The following TRPM1 variants were observed in gnomAD, a reference collection of about 807,000 sequenced individuals.
TRPM1 encodes the protein transient receptor potential cation channel subfamily M member 1.
TRPM1 carries 113 observed loss-of-function variants against 149.4 expected under a neutral mutation model. That is an observed-to-expected ratio of 0.76 (90% CI 0.65 to 0.88). The LOEUF (loss-of-function observed/expected upper bound fraction) is 0.88. Ranked by LOEUF, TRPM1 falls within the 40% of genes least tolerant of loss-of-function variation. TRPM1 has a pLI of 0.00. For synonymous variants in TRPM1, 741 were observed against 759.5 expected, an observed-to-expected ratio of 0.98 and a Z score of 0.40; for missense variants, 1,976 against 2,038.7, an observed-to-expected ratio of 0.97 and a Z score of 0.59.
Position 31,075,454 on chromosome 15 carries a change from T to C in TRPM1, c.83+1451A>G, listed in dbSNP as rs1281334579. Reference sequence around the variant, plus strand: ...TATCTCTAGTTACATTTTCTTGCTTTAAAGTATGTTTTGTCTGAATCCATT... The same window carrying C: ...TATCTCTAGTTACATTTTCTTGCTTCAAAGTATGTTTTGTCTGAATCCATT... On this transcript the variant is annotated intron_variant, in intron 3 of 27. Transcript: ENST00000256552. 2.0e-5 allele frequency among the ~76,000 whole-genome samples: 3 copies of C among 152,236 alleles called. No homozygotes were observed. The East Asian group carries it at 5.8e-4, about 29-fold the overall frequency.
At chr15:31,070,291 A>G (rs34491369) in intron 3 of TRPM1, 65 bp from the exon 4 acceptor site, 178,468 of 1,515,550 alleles carry the variant, frequency 0.12, 12,212 homozygotes, top group African/African-American at 0.25. Flanking sequence ...CATTAGCAAA[A>G]ATGAATTAAC....
Position 31,035,661 on chromosome 15 carries a change from C to T in TRPM1, c.2585G>A (p.Gly862Asp). 1.9e-6 allele frequency: 3 copies of T among 1,614,154 alleles called. No homozygotes were observed. The highest frequency in any genetic ancestry group is 8.5e-7 in the Non-Finnish European group (1 of 1,180,028). ...GACGTAGTTAAACAGCAGCAGGTAG[C>T]CCAAGTATGATATCTGAAAGAAAGA... ...KFWFYTISYLGYLLLFNYVIL... is the reference protein window; with the variant it reads ...KFWFYTISYLDYLLLFNYVIL... The change falls in exon 21 of 28, where the codon GGC becomes GAC. Residue 862 changes from glycine (G) to aspartate (D), a missense_variant. Coordinates refer to ENST00000256552, the MANE Select transcript of TRPM1 (RefSeq NM_001252024.2).
At chr15:31,007,542 C>T (rs2032033933) in intron 27 of TRPM1, among the ~76,000 whole-genome samples, 1 of 152,080 alleles carries the variant, frequency 6.6e-6, no homozygotes, top group Non-Finnish European at 1.5e-5. Flanking sequence ...TGGCTCATGC[C>T]TACAATCCCA....
At chr15:31,141,222 T>G (rs1010232849) in intron 1 of TRPM1, among the ~76,000 whole-genome samples, 1 of 152,176 alleles carries the variant, frequency 6.6e-6, no homozygotes, top group Non-Finnish European at 1.5e-5. Flanking sequence ...AATCACATAT[T>G]TTTATAAATT....
chr15:31,061,174 C>G (rs989556676), intron 10 of TRPM1, among the ~76,000 whole-genome samples: 2 of 152,248 alleles, frequency 1.3e-5, no homozygotes, highest in Admixed American at 6.5e-5. Context: ...TGTTTACACT[C>G]TAGGAGCTGA....
At chr15:31,123,404 G>A (rs1481263640) in intron 1 of TRPM1, among the ~76,000 whole-genome samples, 13 of 152,072 alleles carry the variant, frequency 8.5e-5, no homozygotes, top group Non-Finnish European at 1.6e-4. Flanking sequence ...CAGAGACTAG[G>A]AGAAAATATT....
chr15:31,109,441 A>C (rs1237913403), intron 1 of TRPM1, among the ~76,000 whole-genome samples: 1 of 151,768 alleles, frequency 6.6e-6, no homozygotes, highest in East Asian at 1.9e-4. Flanking sequence ...TCACGCCTGT[A>C]ATCCCAGTAC....
At chr15:31,038,872 A>G (rs2033515328) in intron 18 of TRPM1, among the ~76,000 whole-genome samples, 1 of 152,126 alleles carries the variant, frequency 6.6e-6, no homozygotes, top group South Asian at 2.1e-4. Context: ...AAATGAGATT[A>G]TGTGAACTAA....
intron 25 of TRPM1, among the ~76,000 whole-genome samples, chr15:31,027,722 C>T (rs1355422550): frequency 6.6e-6 from 1 of 152,186 alleles, no homozygotes; most frequent in Non-Finnish European, 1.5e-5. Context: ...ATGCCCTGTT[C>T]AATTCTAAGA....
At chr15:31,014,033 C>G (rs910983743) in intron 27 of TRPM1, among the ~76,000 whole-genome samples, 1 of 152,188 alleles carries the variant, frequency 6.6e-6, no homozygotes, top group Admixed American at 6.5e-5. Flanking sequence ...AAGATCAAGT[C>G]AGCCAGAAAT....
Position 31,047,151 on chromosome 15 carries a change from T to C in TRPM1, c.1724A>G (p.Asn575Ser), listed in dbSNP as rs1165136437. Residue 575 changes from asparagine (N) to serine (S), a missense_variant, in exon 15 of 28, where the codon AAC (asparagine) becomes AGC (serine). Around this residue, in one of 3 missense-constraint regions of TRPM1, gnomAD observed 1,332 missense variants for 1,347.1 expected, o/e 0.99. Transcript: ENST00000256552. Reference sequence around the variant, plus strand: ...CAAGTTGTTGTAAAGGGTCCGAAAGTTTTTCCGAGTGTAGTTGCAGCGGTA... The same window carrying C: ...CAAGTTGTTGTAAAGGGTCCGAAAGCTTTTCCGAGTGTAGTTGCAGCGGTA... ...GAYRCNYTRK[N>S]FRTLYNNLFG... 6.2e-7 allele frequency: 1 copy of C among 1,614,112 alleles called. No homozygotes were observed. The highest frequency in any genetic ancestry group is 1.1e-5 in the South Asian group (1 of 91,078).
chr15:31,105,909 A>G (rs114052569), upstream of TRPM1, among the ~76,000 whole-genome samples: 964 of 152,326 alleles, frequency 6.3e-3, 13 homozygotes, highest in African/African-American at 0.022. Context: ...TAACAATAGC[A>G]CTAACACTAA....
intron 4 of TRPM1, among the ~76,000 whole-genome samples, chr15:31,068,410 G>A (rs550152805): frequency 6.4e-4 from 97 of 152,246 alleles, no homozygotes; most frequent in African/African-American, 2.2e-3. Flanking sequence ...TACGTCATGA[G>A]CATGGATCCC....
At chr15:31,010,993 T>C (rs2032164829) in intron 27 of TRPM1, among the ~76,000 whole-genome samples, 1 of 152,246 alleles carries the variant, frequency 6.6e-6, no homozygotes, top group Non-Finnish European at 1.5e-5. Flanking sequence ...CTTTTTGATA[T>C]AGTTACCTTT....
At chr15:31,151,192 A>C (rs999669272) in intron 1 of TRPM1, among the ~76,000 whole-genome samples, 1 of 152,190 alleles carries the variant, frequency 6.6e-6, no homozygotes, top group African/African-American at 2.4e-5. Context: ...GCGATACCTC[A>C]CAATGAGAGA....
At chr15:31,082,698 A>T (rs1162900768) in intron 1 of TRPM1, among the ~76,000 whole-genome samples, 1 of 152,116 alleles carries the variant, frequency 6.6e-6, no homozygotes, top group East Asian at 1.9e-4. Context: ...GTACTTATTT[A>T]TTTTTTAAAG....
chr15:31,093,372 A>G (rs755307186), intron 1 of TRPM1, among the ~76,000 whole-genome samples: 2 of 152,246 alleles, frequency 1.3e-5, no homozygotes, highest in Admixed American at 1.3e-4. Flanking sequence ...AAAGATCACC[A>G]TACAAAAATT....
intron 11 of TRPM1, among the ~76,000 whole-genome samples, chr15:31,055,317 A>G (rs1240692516): frequency 6.6e-6 from 1 of 152,208 alleles, no homozygotes; most frequent in Non-Finnish European, 1.5e-5. Context: ...GAGTATGAAA[A>G]AGAAAAATCT....
At chr15:31,072,534 T>C (rs1026950854) in intron 3 of TRPM1, among the ~76,000 whole-genome samples, 52 of 152,164 alleles carry the variant, frequency 3.4e-4, no homozygotes, top group African/African-American at 1.2e-3. Context: ...TTCTTGGGTA[T>C]ACACTAGGCA....
Sources: gnomAD v4.1 joint callset for allele counts (sites outside exome capture counted in the v4.1 genomes callset) on GRCh38, gnomAD v4.1.1 for gene constraint, gnomAD v4.1.1 regional missense constraint, MANE v1.5 for transcripts, NCBI Gene and HGNC (gene_info 2026-07-23, HGNC 2026-07-21) for gene names.